Variants in HMBOX1 observed in about 807,000 individuals in gnomAD.
The protein encoded by HMBOX1 is homeobox containing 1.
HMBOX1 carries 14 observed loss-of-function variants against 54.5 expected under a neutral mutation model. The ratio of observed to expected loss-of-function variants is 0.26; its 90% CI spans 0.17 to 0.40. The LOEUF (loss-of-function observed/expected upper bound fraction) is 0.40. HMBOX1 is among the 10% of genes least tolerant of loss of function. The pLI is 1.00. For synonymous variants in HMBOX1, 160 were observed against 181.0 expected (o/e 0.88, Z 0.93); for missense variants, 332 against 514.4 (o/e 0.65, Z 3.43).
intron 4 of HMBOX1, among the ~76,000 whole-genome samples, chr8:29,005,401 C>A (rs1458650021): frequency 6.6e-6 from 1 of 152,108 alleles, no homozygotes; most frequent in Non-Finnish European, 1.5e-5. Context: ...TATTATATAT[C>A]TTTAGTTATA....
chr8:29,035,971 T>G (rs1803793901), intron 6 of HMBOX1, among the ~76,000 whole-genome samples: 1 of 152,196 alleles, frequency 6.6e-6, no homozygotes, highest in Admixed American at 6.5e-5. Flanking sequence ...TGTTACATAG[T>G]AATAAGACTC....
chr8:29,020,637 A>T (rs142706273), intron 6 of HMBOX1, among the ~76,000 whole-genome samples: 391 of 152,316 alleles, frequency 2.6e-3, no homozygotes, highest in Non-Finnish European at 4.4e-3. Flanking sequence ...CACAACTAGA[A>T]AGAGGATGTG....
intron 1 of HMBOX1, among the ~76,000 whole-genome samples, chr8:28,951,840 C>G (rs1219721114): frequency 6.6e-6 from 1 of 152,152 alleles, no homozygotes; most frequent in East Asian, 1.9e-4. Flanking sequence ...AAGAGAAACT[C>G]TGACATGCAC....
intron 5 of HMBOX1, among the ~76,000 whole-genome samples, chr8:29,011,659 A>G (rs760647836): frequency 8.5e-5 from 13 of 152,208 alleles, no homozygotes; most frequent in Admixed American, 2.6e-4. Flanking sequence ...GTTGTGGAAT[A>G]CTAACTACAG....
In HMBOX1 at chr8:29,018,625, T is replaced by C. The variant is rs995913678; in HGVS notation, c.698-135T>C. 9.2e-5 allele frequency: 75 copies of C among 818,836 alleles called. No homozygotes were observed. In the African/African-American group the frequency reaches 1.1e-3, roughly 12 times the overall value. The allele number at this position is 818,836 out of a possible 1,614,324, so 50.7% of individuals were successfully genotyped here. A position where few individuals can be genotyped will look rare whatever the true frequency, so the allele number is the denominator to read the frequency against. On this transcript the variant is annotated intron_variant, in intron 5 of 9. Coordinates refer to ENST00000287701, the MANE Select transcript of HMBOX1 (RefSeq NM_001135726.3). ...TATCAAGCAGGAATTTCAAAAGAAATTTTTCAGAGAAAGATACATTGATTA... is the reference window on the plus strand; with the variant it reads ...TATCAAGCAGGAATTTCAAAAGAAACTTTTCAGAGAAAGATACATTGATTA...
chr8:28,898,807 G>C (rs1812653041), intron 1 of HMBOX1, among the ~76,000 whole-genome samples: 1 of 152,240 alleles, frequency 6.6e-6, no homozygotes, highest in Non-Finnish European at 1.5e-5. Context: ...GTTGGCAAGA[G>C]AGAAATCTGA....
At chr8:28,910,488 A>G (rs974276088) in intron 1 of HMBOX1, among the ~76,000 whole-genome samples, 8 of 152,146 alleles carry the variant, frequency 5.3e-5, no homozygotes, top group Non-Finnish European at 7.4e-5. Flanking sequence ...CTGCAAAACT[A>G]TTTTACTGTT....
At chr8:29,023,877 G>A (rs1268102342) in intron 6 of HMBOX1, among the ~76,000 whole-genome samples, 1 of 152,174 alleles carries the variant, frequency 6.6e-6, no homozygotes, top group Non-Finnish European at 1.5e-5. Context: ...CTTCACCCCT[G>A]ATGGACTGAA....
intron 4 of HMBOX1, among the ~76,000 whole-genome samples, chr8:28,990,933 C>G (rs762492451): frequency 3.3e-5 from 5 of 152,128 alleles, no homozygotes; most frequent in Non-Finnish European, 5.9e-5. Flanking sequence ...GGATTACAGG[C>G]GTGAGCTGCT....
intron 1 of HMBOX1, among the ~76,000 whole-genome samples, chr8:28,892,963 T>G (rs1444741780): frequency 6.6e-6 from 1 of 152,200 alleles, no homozygotes; most frequent in Non-Finnish European, 1.5e-5. Flanking sequence ...GTCATGGAGT[T>G]TTTTAAAAAA....
chr8:28,984,365 T>C (rs1829873336), intron 4 of HMBOX1, among the ~76,000 whole-genome samples: 1 of 152,166 alleles, frequency 6.6e-6, no homozygotes, highest in African/African-American at 2.4e-5. Flanking sequence ...AAGAAAATGC[T>C]AAATAAAAAG....
chr8:29,051,047 A>G lies in HMBOX1; in HGVS notation c.1155A>G (p.Gln385=). 1 of 1,613,768 alleles carries G rather than the reference A, an allele frequency of 6.2e-7. No homozygotes were observed. Among genetic ancestry groups the G allele is most frequent in the Non-Finnish European group, 8.5e-7 (1 of 1,179,946 alleles). Residue 385 remains glutamine, a synonymous_variant, in exon 10 of 10, where the codon CAA becomes CAG. Coordinates refer to ENST00000287701, the MANE Select transcript of HMBOX1 (RefSeq NM_001135726.3). ...QDDSTSHSDH[Q]DPISLAVEMA... ...ACAGTACGAGCCATAGTGACCACCAAGACCCCATCTCATTAGCTGTGGAAA... is the reference window on the plus strand; with the variant it reads ...ACAGTACGAGCCATAGTGACCACCAGGACCCCATCTCATTAGCTGTGGAAA...
At chr8:28,893,299 T>C (rs1811405808) in intron 1 of HMBOX1, among the ~76,000 whole-genome samples, 1 of 152,208 alleles carries the variant, frequency 6.6e-6, no homozygotes, top group African/African-American at 2.4e-5. Flanking sequence ...GTGAGAGTCA[T>C]ATGGTTTACA....
intron 1 of HMBOX1, among the ~76,000 whole-genome samples, chr8:28,923,445 G>C (rs1419881624): frequency 6.6e-6 from 1 of 152,162 alleles, no homozygotes; most frequent in Non-Finnish European, 1.5e-5. Flanking sequence ...TATGAAATAA[G>C]AGCTAAAACC....
chr8:28,979,037 C>T (rs1482509606), intron 3 of HMBOX1, among the ~76,000 whole-genome samples: 1 of 152,158 alleles, frequency 6.6e-6, no homozygotes, highest in South Asian at 2.1e-4. Flanking sequence ...GAAAATGATC[C>T]TTAGCTCATA....
At chr8:28,904,249 C>CT (rs753359325) in intron 1 of HMBOX1, among the ~76,000 whole-genome samples, 1,835 of 139,388 alleles carry the variant, frequency 0.013, 15 homozygotes, top group Middle Eastern at 0.034. Context: ...TTCCAAATCT[C>CT]TTTTTTTTTT....
chr8:28,923,204 C>T (rs899996759), intron 1 of HMBOX1, among the ~76,000 whole-genome samples: 2 of 152,168 alleles, frequency 1.3e-5, no homozygotes, highest in African/African-American at 2.4e-5. Flanking sequence ...CATCCCCTAG[C>T]AACTGCAGGT....
intron 1 of HMBOX1, among the ~76,000 whole-genome samples, chr8:28,946,569 CAAAA>C (rs879518052): frequency 7.3e-6 from 1 of 136,372 alleles, no homozygotes; most frequent in Non-Finnish European, 1.6e-5. Context: ...GACTCCGTCT[CAAAA>C]AAAAAAAAAT....
At chr8:28,988,276 G>A (rs1830446013) in intron 4 of HMBOX1, among the ~76,000 whole-genome samples, 2 of 152,186 alleles carry the variant, frequency 1.3e-5, no homozygotes, top group South Asian at 4.1e-4. Flanking sequence ...ACTTTTGAAT[G>A]CTAAATACTA....
Sources: gnomAD v4.1 joint callset for allele counts (sites outside exome capture counted in the v4.1 genomes callset) on GRCh38, gnomAD v4.1.1 for gene constraint, MANE v1.5 for transcripts, NCBI Gene and HGNC (gene_info 2026-07-23, HGNC 2026-07-21) for gene names.